Variants in NEDD9 observed in about 807,000 individuals in gnomAD.
NEDD9 encodes neural precursor cell expressed, developmentally down-regulated 9.
NEDD9 carries 26 observed loss-of-function variants against 76.6 expected under a neutral mutation model. The ratio of observed to expected loss-of-function variants is 0.34; its 90% CI spans 0.25 to 0.47. The LOEUF (loss-of-function observed/expected upper bound fraction) is 0.47. NEDD9 is among the 20% of genes least tolerant of loss of function. The pLI, the probability that NEDD9 is intolerant of heterozygous loss-of-function variation, is 1.00. For synonymous variants in NEDD9, 392 were observed against 414.2 expected (o/e 0.95, Z 0.65); for missense variants, 937 against 1,058.5 (o/e 0.89, Z 1.59).
At chr6:11,286,965 G>A (rs370252286) in intron 3 of NEDD9, among the ~76,000 whole-genome samples, 6 of 152,220 alleles carry the variant, frequency 3.9e-5, no homozygotes, top group African/African-American at 1.4e-4. Context: ...TTAATTGGAG[G>A]CTTCTCTACT....
upstream of NEDD9, chr6:11,232,724 C>T (rs1759521672): frequency 1.4e-6 from 2 of 1,432,208 alleles, no homozygotes; most frequent in Non-Finnish European, 9.1e-7. Flanking sequence ...GCATGCCGCC[C>T]CGCCATTGGC....
intron 3 of NEDD9, among the ~76,000 whole-genome samples, chr6:11,288,156 T>C (rs1760689300): frequency 6.6e-6 from 1 of 152,220 alleles, no homozygotes; most frequent in African/African-American, 2.4e-5. Flanking sequence ...CAGTCAAAAT[T>C]ACGCAGGCTG....
rs189080865 is a variant in NEDD9, at chr6:11,334,125, C to T, written c.-153+376G>A. Among the ~76,000 whole-genome samples the T allele has an allele frequency of 6.6e-5, 10 of 152,210 alleles. No homozygotes were observed. In the East Asian group the frequency reaches 1.9e-3, roughly 29 times the overall value. On this transcript the variant is annotated intron_variant, in intron 2 of 3. Transcript: ENST00000397378. Reference sequence around the variant, plus strand: ...TAGCACATCAATCAAAAATCAAGTTCTATAAAGTTACTAATAGGGAAATAT... The same window carrying T: ...TAGCACATCAATCAAAAATCAAGTTTTATAAAGTTACTAATAGGGAAATAT...
intron 3 of NEDD9, among the ~76,000 whole-genome samples, chr6:11,264,611 C>G (rs1402493067): frequency 6.6e-6 from 1 of 152,050 alleles, no homozygotes; most frequent in Admixed American, 6.6e-5. Flanking sequence ...ATAAAGAACT[C>G]AGAAACTGAG....
At chr6:11,340,265 C>T (rs1762246662) in intron 1 of NEDD9, among the ~76,000 whole-genome samples, 1 of 152,302 alleles carries the variant, frequency 6.6e-6, no homozygotes, top group East Asian at 1.9e-4. Flanking sequence ...GCACATATCT[C>T]TTGAGAATCA....
At chr6:11,276,373 C>T (rs76348165) in intron 3 of NEDD9, among the ~76,000 whole-genome samples, 5 of 151,974 alleles carry the variant, frequency 3.3e-5, no homozygotes, top group Non-Finnish European at 5.9e-5. Context: ...GTGTGTGCAC[C>T]TGTGCACGTG....
rs552283786 is a variant in NEDD9, at chr6:11,308,409, A to T, written c.-152-2254T>A. On this transcript the variant is annotated intron_variant, in intron 2 of 3. Coordinates refer to the NEDD9 transcript ENST00000397378. ...TTTTGATACGAAGTCTGGCTCTGTCACCCAGGCTGGAGTGCAGTGGCGCAA... is the reference window on the plus strand; with the variant it reads ...TTTTGATACGAAGTCTGGCTCTGTCTCCCAGGCTGGAGTGCAGTGGCGCAA... Among the ~76,000 whole-genome samples the T allele has an allele frequency of 5.1e-4, 61 of 120,384 alleles. 2 individuals are homozygous for T. Among genetic ancestry groups the T allele is most frequent in the African/African-American group, 1.9e-3 (56 of 29,830 alleles). 79.0% of individuals were successfully genotyped at this position (120,384 alleles called of 152,430 possible).
intron 3 of NEDD9, among the ~76,000 whole-genome samples, chr6:11,288,957 G>A (rs1276071337): frequency 6.6e-6 from 1 of 152,214 alleles, no homozygotes; most frequent in South Asian, 2.1e-4. Flanking sequence ...TGTATTGAAT[G>A]TATGCATTTT....
At chr6:11,256,716 G>C (rs1401063203) in intron 3 of NEDD9, among the ~76,000 whole-genome samples, 1 of 152,106 alleles carries the variant, frequency 6.6e-6, no homozygotes, top group Non-Finnish European at 1.5e-5. Flanking sequence ...CTCCTGCTTT[G>C]ACCTCCCAAA....
intron 3 of NEDD9, among the ~76,000 whole-genome samples, chr6:11,276,556 T>A (rs1332147770): frequency 6.6e-6 from 1 of 152,228 alleles, no homozygotes; most frequent in Non-Finnish European, 1.5e-5. Flanking sequence ...CTGTTGCTGC[T>A]ACTCACGCTT....
At chr6:11,265,416 A>T (rs1760183543) in intron 3 of NEDD9, among the ~76,000 whole-genome samples, 1 of 152,164 alleles carries the variant, frequency 6.6e-6, no homozygotes, top group Non-Finnish European at 1.5e-5. Context: ...TTGCTACAGT[A>T]TTTTCTGGAC....
chr6:11,282,750 A>G (rs199674467), intron 3 of NEDD9, among the ~76,000 whole-genome samples: 24 of 151,988 alleles, frequency 1.6e-4, no homozygotes, highest in Non-Finnish European at 3.1e-4. Flanking sequence ...TAAGCCACCA[A>G]TATCTCTCTC....
At position 11,357,783 on chromosome 6, in the gene NEDD9, G is replaced by T. The variant is rs1762606148; in HGVS notation, c.-213-23222C>A. 2.6e-5 allele frequency among the ~76,000 whole-genome samples: 4 copies of T among 152,336 alleles called. No homozygotes were observed. The South Asian group carries it at 8.3e-4, about 32-fold the overall frequency. ...GAAGCAGTCCTTGGAAAGAGAGTTT[G>T]GTTCTGACCAGAACCTATACTTATG... On this transcript the variant is annotated intron_variant, in intron 1 of 3. Coordinates refer to the NEDD9 transcript ENST00000397378.
At chr6:11,316,970 A>G (rs2113456073) in intron 2 of NEDD9, among the ~76,000 whole-genome samples, 1 of 152,348 alleles carries the variant, frequency 6.6e-6, no homozygotes, top group East Asian at 1.9e-4. Context: ...GTTAAGTTCC[A>G]GTTTCATGTG....
chr6:11,348,880 A>C (rs1762411187), intron 1 of NEDD9, among the ~76,000 whole-genome samples: 1 of 152,188 alleles, frequency 6.6e-6, no homozygotes, highest in South Asian at 2.1e-4. Context: ...ATTTCATGAC[A>C]AAGATGCCAA....
intron 1 of NEDD9, among the ~76,000 whole-genome samples, chr6:11,365,209 A>G (rs1483012826): frequency 6.6e-6 from 1 of 152,186 alleles, no homozygotes; most frequent in African/African-American, 2.4e-5. Flanking sequence ...TGTTCTAGTT[A>G]ATGCAGAAAC....
At chr6:11,275,130 G>T (rs1235609145) in intron 3 of NEDD9, among the ~76,000 whole-genome samples, 1 of 152,146 alleles carries the variant, frequency 6.6e-6, no homozygotes, top group African/African-American at 2.4e-5. Flanking sequence ...TTTGCTCAGG[G>T]GAATAAACCA....
chr6:11,346,187 A>T (rs1349733653), intron 1 of NEDD9, among the ~76,000 whole-genome samples: 1 of 152,238 alleles, frequency 6.6e-6, no homozygotes, highest in African/African-American at 2.4e-5. Flanking sequence ...AGTGTCTGGC[A>T]CACAGAAAGT....
chr6:11,269,617 CT>C (rs1760263513), intron 3 of NEDD9, among the ~76,000 whole-genome samples: 1 of 151,924 alleles, frequency 6.6e-6, no homozygotes, highest in South Asian at 2.1e-4. Flanking sequence ...GATTTCTTTC[CT>C]TTTTAATTCA....
Sources: gnomAD v4.1 joint callset for allele counts (sites outside exome capture counted in the v4.1 genomes callset) on GRCh38, gnomAD v4.1.1 for gene constraint, MANE v1.5 for transcripts, NCBI Gene and HGNC (gene_info 2026-07-23, HGNC 2026-07-21) for gene names.